The following PPP2R2B variants were observed in gnomAD, a reference collection of about 807,000 sequenced individuals.
PPP2R2B encodes the protein protein phosphatase 2 regulatory subunit Bbeta.
In PPP2R2B, 5 loss-of-function variants were observed where a neutral mutation model predicts 46.0. The ratio of observed to expected loss-of-function variants is 0.11; its 90% confidence interval spans 0.06 to 0.23. The LOEUF (loss-of-function observed/expected upper bound fraction) is 0.23. Among genes scored for constraint, PPP2R2B ranks in the 10% least tolerant of loss-of-function variants. The pLI is 1.00. For synonymous variants in PPP2R2B, 215 were observed against 206.7 expected (o/e 1.04, Z -0.34); for missense variants, 367 against 575.0 (o/e 0.64, Z 3.70).
chr5:146,742,332 C>T (rs1015009054), intron 2 of PPP2R2B, among the ~76,000 whole-genome samples: 8 of 152,110 alleles, frequency 5.3e-5, no homozygotes, highest in African/African-American at 1.7e-4. Flanking sequence ...AAAATCTTAC[C>T]GTTGGAGAGA....
At chr5:146,799,206 T>A (rs1258333436) in intron 2 of PPP2R2B, among the ~76,000 whole-genome samples, 1 of 152,184 alleles carries the variant, frequency 6.6e-6, no homozygotes, top group Non-Finnish European at 1.5e-5. Flanking sequence ...GATGAACATA[T>A]TTCTCCTTGT....
chr5:146,680,091 C>G (rs1778043607), intron 5 of PPP2R2B, among the ~76,000 whole-genome samples: 1 of 151,624 alleles, frequency 6.6e-6, no homozygotes, highest in Non-Finnish European at 1.5e-5. Flanking sequence ...AAGACACATG[C>G]ACACTTATGT....
chr5:146,921,680 G>C (rs1763613267), intron 1 of PPP2R2B, among the ~76,000 whole-genome samples: 1 of 152,078 alleles, frequency 6.6e-6, no homozygotes, highest in African/African-American at 2.4e-5. Flanking sequence ...ATCTTCCTGT[G>C]AACTTCTATA....
chr5:147,044,235 G>T (rs923719535), intron 1 of PPP2R2B, among the ~76,000 whole-genome samples: 10 of 152,026 alleles, frequency 6.6e-5, no homozygotes, highest in Non-Finnish European at 1.2e-4. Flanking sequence ...GTAGTTCTAA[G>T]AAATAGATTT....
At chr5:146,771,404 T>C (rs946863688) in intron 2 of PPP2R2B, among the ~76,000 whole-genome samples, 2 of 152,190 alleles carry the variant, frequency 1.3e-5, no homozygotes, top group Non-Finnish European at 2.9e-5. Context: ...AAAAGATCCA[T>C]CTTGTGCTGT....
intron 2 of PPP2R2B, among the ~76,000 whole-genome samples, chr5:146,737,251 T>C (rs576070209): frequency 1.3e-5 from 2 of 152,318 alleles, no homozygotes; most frequent in African/African-American, 4.8e-5. Flanking sequence ...TCTAGGCATA[T>C]AGGAGCTGTG....
At chr5:147,021,454 A>G (rs1755264438) in intron 1 of PPP2R2B, among the ~76,000 whole-genome samples, 1 of 152,240 alleles carries the variant, frequency 6.6e-6, no homozygotes, top group South Asian at 2.1e-4. Context: ...GCACATGTGC[A>G]GTGTGAGACT....
rs1465525705 is a variant in PPP2R2B at position 146,784,149 on chromosome 5, A to G, written c.71-83007T>C. Among the ~76,000 whole-genome samples, 6 of 152,148 alleles carry G rather than the reference A, an allele frequency of 3.9e-5. No individual in the cohort carries two copies. In the South Asian group the frequency reaches 1.2e-3, roughly 32 times the overall value. On this transcript the variant is annotated intron_variant, in intron 2 of 9. Transcript: ENST00000394411. ...ATAATAACATTGAATGTTTCAGCCT[A>G]TTTTTCCCCAAAATGGTCTCCAACT...
intron 2 of PPP2R2B, among the ~76,000 whole-genome samples, chr5:146,806,574 T>C (rs974291475): frequency 2.6e-5 from 4 of 152,200 alleles, no homozygotes; most frequent in African/African-American, 4.8e-5. Flanking sequence ...TAAAGTCTTA[T>C]GTTGTTGGCC....
intron 4 of PPP2R2B, among the ~76,000 whole-genome samples, chr5:146,696,074 C>T (rs749748681): frequency 1.1e-4 from 16 of 151,820 alleles, no homozygotes; most frequent in Admixed American, 6.6e-4. Context: ...TTTTCCCATC[C>T]CCCCGCCAAC....
At chr5:146,918,442 T>C (rs1417827981) in intron 1 of PPP2R2B, 1 of 152,194 alleles carries the variant, frequency 6.6e-6, no homozygotes, top group East Asian at 1.9e-4. Flanking sequence ...GAGAGGTAAA[T>C]AGGTACTAAT....
chr5:147,042,357 G>A (rs1030511367), intron 1 of PPP2R2B, among the ~76,000 whole-genome samples: 4 of 152,020 alleles, frequency 2.6e-5, no homozygotes, highest in East Asian at 1.9e-4. Context: ...CAAGTGTGGC[G>A]TTTTCTATAA....
chr5:147,015,907 C>T (rs1754984824), intron 1 of PPP2R2B, among the ~76,000 whole-genome samples: 1 of 151,320 alleles, frequency 6.6e-6, no homozygotes, highest in African/African-American at 2.4e-5. Flanking sequence ...ATCATCTCTT[C>T]CTTGAAATAC....
chr5:146,904,612 G>T lies in PPP2R2B; in HGVS notation c.79+151053C>A, dbSNP rs148389108. Among the ~76,000 whole-genome samples, 188 of 152,334 alleles carry T rather than the reference G, an allele frequency of 1.2e-3. 3 individuals are homozygous for T. In the East Asian group the frequency reaches 0.02, roughly 16 times the overall value. On this transcript the variant is annotated intron_variant, in intron 1 of 8. Transcript: ENST00000336640. ...CCAATATGGTGCTTGAGTAATGGTTGTAACCACTGATCATACAGACTGGCT... is the reference window on the plus strand; with the variant it reads ...CCAATATGGTGCTTGAGTAATGGTTTTAACCACTGATCATACAGACTGGCT...
chr5:146,986,903 G>A (rs908898919), intron 1 of PPP2R2B, among the ~76,000 whole-genome samples: 1 of 151,954 alleles, frequency 6.6e-6, no homozygotes, highest in Non-Finnish European at 1.5e-5. Context: ...ATAGGTAGGG[G>A]AAGCCCAAAG....
At chr5:146,737,595 G>A (rs1055391853) in intron 2 of PPP2R2B, among the ~76,000 whole-genome samples, 7 of 151,934 alleles carry the variant, frequency 4.6e-5, no homozygotes, top group Non-Finnish European at 7.4e-5. Context: ...GATCCATTCC[G>A]CTTTTTTTTG....
intron 2 of PPP2R2B, among the ~76,000 whole-genome samples, chr5:146,778,634 T>C (rs1233230527): frequency 6.6e-6 from 1 of 152,214 alleles, no homozygotes; most frequent in African/African-American, 2.4e-5. Flanking sequence ...TTTTCACTCT[T>C]CCTAGATTTC....
chr5:146,755,669 T>C (rs1753790866), intron 2 of PPP2R2B, among the ~76,000 whole-genome samples: 1 of 152,230 alleles, frequency 6.6e-6, no homozygotes, highest in Non-Finnish European at 1.5e-5. Flanking sequence ...TGTGGTTTCA[T>C]CAAATGGTTT....
intron 2 of PPP2R2B, among the ~76,000 whole-genome samples, chr5:146,840,140 G>A (rs1759541153): frequency 6.6e-6 from 1 of 152,202 alleles, no homozygotes; most frequent in Non-Finnish European, 1.5e-5. Flanking sequence ...AGGAGCAGCA[G>A]TAGTGAAAAC....
Sources: allele counts gnomAD v4.1 joint callset (sites outside exome capture counted in the v4.1 genomes callset), GRCh38; gene constraint gnomAD v4.1.1; transcripts MANE v1.5; gene names NCBI Gene and HGNC (gene_info 2026-07-23, HGNC 2026-07-21).